The following TSC22D1 variants were observed in gnomAD, a reference collection of about 807,000 sequenced individuals.
TSC22D1 encodes TSC22 domain family protein 1.
TSC22D1 carries 9 observed loss-of-function variants against 74.2 expected under a neutral mutation model. The ratio of observed to expected loss-of-function variants is 0.12; its 90% CI spans 0.07 to 0.21. The LOEUF (loss-of-function observed/expected upper bound fraction) is 0.21, where lower values mean the gene tolerates loss of function less well. Among genes scored for constraint, TSC22D1 ranks in the 10% least tolerant of loss-of-function variants. The probability of loss-of-function intolerance (pLI) is 1.00; values close to 1 mark genes in which losing one functional copy is unlikely to be tolerated. For missense variants in TSC22D1, 1,427 were observed against 1,304.7 expected (o/e 1.09, Z -1.44); for synonymous variants, 586 against 492.5 (o/e 1.19, Z -2.51).
intron 1 of TSC22D1, among the ~76,000 whole-genome samples, chr13:44,568,536 T>C (rs1883532382): frequency 6.6e-6 from 1 of 152,148 alleles, no homozygotes; most frequent in Non-Finnish European, 1.5e-5. Flanking sequence ...AGGATCTTGC[T>C]ATATTGCCCA....
intron 1 of TSC22D1, among the ~76,000 whole-genome samples, chr13:44,469,468 G>A (rs1375016309): frequency 6.6e-6 from 1 of 152,010 alleles, no homozygotes; most frequent in Admixed American, 6.6e-5. Context: ...ACTTTTGGCA[G>A]AATATGTAGG....
In TSC22D1 at chr13:44,575,530, T is replaced by G; in HGVS notation, c.545A>C (p.Glu182Ala). The G allele has an allele frequency of 1.9e-6, 3 of 1,614,086 alleles. No homozygotes were observed. The highest frequency in any genetic ancestry group is 2.5e-6 in the Non-Finnish European group (3 of 1,180,016). ...AGAGACTGCCCCAGGTGTCTCGGCT[T>G]CCTGGAAGTTATTTAGGGTCTCTTC... is the stretch of plus-strand genomic sequence containing the variant. ...SSEETLNNFQ[E>A]AETPGAVSPN... The change falls in exon 1 of 3, where the codon GAA becomes GCA. Residue 182 changes from glutamate to alanine, a missense_variant. Coordinates refer to ENST00000458659, the MANE Select transcript of TSC22D1 (RefSeq NM_183422.4).
intron 1 of TSC22D1, among the ~76,000 whole-genome samples, chr13:44,530,439 TA>T (rs112666386): frequency 1.3e-5 from 2 of 150,278 alleles, no homozygotes; most frequent in African/African-American, 4.9e-5. Flanking sequence ...TCACAAAACT[TA>T]AAAAAAAATC....
intron 1 of TSC22D1, among the ~76,000 whole-genome samples, chr13:44,488,771 C>T (rs1267955156): frequency 6.6e-6 from 1 of 152,038 alleles, no homozygotes; most frequent in Non-Finnish European, 1.5e-5. Flanking sequence ...AAATATAAAA[C>T]ACCTAGAATT....
intron 1 of TSC22D1, among the ~76,000 whole-genome samples, chr13:44,447,176 G>C (rs1022803205): frequency 6.7e-6 from 1 of 148,346 alleles, no homozygotes; most frequent in Non-Finnish European, 1.5e-5. Context: ...TAGAGACAGT[G>C]TCTCGCCATG....
At chr13:44,498,507 G>A (rs763959509) in intron 1 of TSC22D1, among the ~76,000 whole-genome samples, 1 of 152,016 alleles carries the variant, frequency 6.6e-6, no homozygotes, top group African/African-American at 2.4e-5. Context: ...GCCATGCTTG[G>A]ATAATGGTTG....
chr13:44,516,250 G>A (rs1385621305), intron 1 of TSC22D1: 5 of 379,672 alleles, frequency 1.3e-5, no homozygotes, highest in Non-Finnish European at 2.5e-5. Flanking sequence ...TTGAGACTTT[G>A]GGGGCACTAG....
At chr13:44,467,087 G>A (rs1179772540) in intron 1 of TSC22D1, among the ~76,000 whole-genome samples, 3 of 151,858 alleles carry the variant, frequency 2.0e-5, no homozygotes, top group Admixed American at 6.6e-5. Context: ...GCTTGAACAC[G>A]GGAGGTGGAG....
At chr13:44,516,269 G>A (rs964311080) in intron 1 of TSC22D1, 14 of 408,004 alleles carry the variant, frequency 3.4e-5, no homozygotes, top group South Asian at 1.2e-4. Context: ...AGAAATTGAC[G>A]CTGAATGGTG....
chr13:44,502,444 A>T (rs1320152187), intron 1 of TSC22D1, among the ~76,000 whole-genome samples: 1 of 152,188 alleles, frequency 6.6e-6, no homozygotes, highest in African/African-American at 2.4e-5. Flanking sequence ...AGATTCCTTC[A>T]TTGGAACCAC....
intron 1 of TSC22D1, among the ~76,000 whole-genome samples, chr13:44,452,227 G>A (rs1876201490): frequency 6.6e-6 from 1 of 152,122 alleles, no homozygotes; most frequent in Non-Finnish European, 1.5e-5. Flanking sequence ...ATGTTGTAAG[G>A]CAACCCCAAT....
Position 44,525,711 on chromosome 13 carries a change from C to T in TSC22D1, c.2912+47452G>A, listed in dbSNP as rs117808450. Among the ~76,000 whole-genome samples the T allele has an allele frequency of 6.6e-3, 997 of 151,846 alleles. 9 individuals are homozygous for T. The highest frequency in any genetic ancestry group is 0.024 in the Middle Eastern group (7 of 292). On this transcript the variant is annotated intron_variant, in intron 1 of 2. Transcript: ENST00000458659. ...AACAGCAAATAAACACAGATTAACC[C>T]CTAGCCAGATAAACATGAAACTTCA...
At position 44,573,806 on chromosome 13, in the gene TSC22D1, C is replaced by G. The variant is rs753024840; in HGVS notation, c.2269G>C (p.Gly757Arg). ...TQVPPSVIQQGAPPSSQVVPP... is the reference protein window; with the variant it reads ...TQVPPSVIQQRAPPSSQVVPP... ...ACCACTTGCGAAGATGGAGGAGCAC[C>G]CTGCTGAATAACTGAAGGTGGAACC... The change falls in exon 1 of 3, where the codon GGT becomes CGT. Residue 757 changes from glycine to arginine, a missense_variant. Coordinates refer to ENST00000458659, the MANE Select transcript of TSC22D1 (RefSeq NM_183422.4). 6.2e-7 allele frequency: 1 copy of G among 1,614,092 alleles called. No individual in the cohort carries two copies.
intron 1 of TSC22D1, among the ~76,000 whole-genome samples, chr13:44,513,738 T>A (rs897861820): frequency 6.6e-6 from 1 of 152,216 alleles, no homozygotes; most frequent in Non-Finnish European, 1.5e-5. Context: ...ATAAGCAGTA[T>A]CAACCAGGGC....
At chr13:44,500,095 G>GAAAAAAAAAAA (rs751648270) in intron 1 of TSC22D1, among the ~76,000 whole-genome samples, 3 of 68,404 alleles carry the variant, frequency 4.4e-5, no homozygotes. Context: ...TCTCAAAAAA[G>GAAAAAAAAAAA]AAAAAAAAAA....
At chr13:44,511,805 AG>A (rs147233015) in intron 1 of TSC22D1, among the ~76,000 whole-genome samples, 10,453 of 152,180 alleles carry the variant, frequency 0.069, 452 homozygotes, top group African/African-American at 0.11. Flanking sequence ...GGATTCATGA[AG>A]GTAAGTTTTA....
intron 1 of TSC22D1, among the ~76,000 whole-genome samples, chr13:44,532,141 T>C (rs1272521989): frequency 6.6e-6 from 1 of 152,258 alleles, no homozygotes; most frequent in Non-Finnish European, 1.5e-5. Flanking sequence ...TGTACTTTTG[T>C]ATTTATGATT....
At chr13:44,457,337 A>C (rs1372863151) in intron 1 of TSC22D1, among the ~76,000 whole-genome samples, 1 of 152,206 alleles carries the variant, frequency 6.6e-6, no homozygotes, top group East Asian at 1.9e-4. Context: ...TCAACATCTC[A>C]AATATGTCTA....
intron 1 of TSC22D1, among the ~76,000 whole-genome samples, chr13:44,461,854 C>T (rs1056632240): frequency 5.9e-5 from 9 of 152,218 alleles, no homozygotes; most frequent in African/African-American, 2.2e-4. Flanking sequence ...TGCAAACCAG[C>T]GAAATATCAA....
Sources: allele counts gnomAD v4.1 joint callset (sites outside exome capture counted in the v4.1 genomes callset), GRCh38; gene constraint gnomAD v4.1.1; transcripts MANE v1.5; gene names NCBI Gene and HGNC (gene_info 2026-07-23, HGNC 2026-07-21).